FNDC5: variants seen among roughly 807,000 people sequenced by gnomAD.
The protein encoded by FNDC5 is fibronectin type III domain-containing protein 5.
Under a neutral mutation model 24.6 loss-of-function variants are expected in FNDC5, and 10 were observed. That is an observed-to-expected ratio of 0.41 (90% CI 0.25 to 0.69). The LOEUF is 0.69. Ranked by LOEUF, FNDC5 falls within the 30% of genes least tolerant of loss-of-function variation. The probability of loss-of-function intolerance (pLI) is 0.34; values close to 1 mark genes in which losing one functional copy is unlikely to be tolerated. For missense variants in FNDC5, 226 were observed against 282.9 expected, an observed-to-expected ratio of 0.80 and a Z score of 1.44; for synonymous variants, 90 against 110.7, an observed-to-expected ratio of 0.81 and a Z score of 1.18.
Position 32,868,079 on chromosome 1 carries a change from G to T in FNDC5, c.409+111C>A. The T allele has an allele frequency of 2.3e-6, 3 of 1,311,018 alleles. No homozygotes were observed. Among genetic ancestry groups the T allele is most frequent in the Non-Finnish European group, 2.1e-6 (2 of 933,674 alleles). 81.2% of individuals were successfully genotyped at this position (1,311,018 alleles called of 1,614,324 possible). On this transcript the variant is annotated intron_variant, in intron 3 of 5. Transcript: ENST00000373471. This position sits in a 1 kb window ranked among gnomAD's most constrained non-coding sequence, Gnocchi z 4.8. ...CCCTCTCTCAGGTACTGCTTTACTT[G>T]CCAGCAGGGGATAAGGGGGAGGAGA...
chr1:32,868,120 G>GC lies in FNDC5; in HGVS notation c.409+69dup. ...GGGGAGGAGACAGAGCTTTCCTCAA[G>GC]CCACCCACTGGTCTGGTCCTGACCA... On this transcript the variant is annotated intron_variant, in intron 3 of 5. Coordinates refer to ENST00000373471, the MANE Select transcript of FNDC5 (RefSeq NM_153756.3). This position sits in a 1 kb window ranked among gnomAD's most constrained non-coding sequence, Gnocchi z 4.8. The GC allele has an allele frequency of 6.4e-7, 1 of 1,554,108 alleles. No homozygotes were observed. The highest frequency in any genetic ancestry group is 8.8e-7 in the Non-Finnish European group (1 of 1,138,468).
upstream of FNDC5, among the ~76,000 whole-genome samples, chr1:32,871,130 G>GC (rs1641178615): frequency 6.6e-6 from 1 of 151,318 alleles, no homozygotes; most frequent in Admixed American, 6.6e-5. Flanking sequence ...GGTTCTCCGC[G>GC]CCCCCGCCGC....
In FNDC5 at chr1:32,864,765, T is replaced by G; in HGVS notation, c.532A>C (p.Ile178Leu). 6.2e-7 allele frequency: 1 copy of G among 1,614,194 alleles called. No individual in the cohort carries two copies. Among genetic ancestry groups the G allele is most frequent in the Non-Finnish European group, 8.5e-7 (1 of 1,180,030 alleles). The change falls in exon 5 of 6, where the codon ATC (isoleucine) becomes CTC (leucine). Residue 178 changes from isoleucine (I) to leucine (L), a missense_variant. Physicochemically the swap from Ile to Leu is conservative, Grantham distance 5 (BLOSUM62 2). Transcript: ENST00000373471. ...TTATTGGGTTCATTGTCCTTGATGA[T>G]GTCATACTGGCGGCAGAAGAGGGCA...
upstream of FNDC5, among the ~76,000 whole-genome samples, chr1:32,871,581 G>A (rs542345956): frequency 6.6e-6 from 1 of 152,342 alleles, no homozygotes; most frequent in South Asian, 2.1e-4. Context: ...GGGCAACCCT[G>A]TAAAGTCATA....
Position 32,868,866 on chromosome 1 carries a change from G to T in FNDC5, c.210+16C>A. The T allele has an allele frequency of 8.1e-7, 1 of 1,236,506 alleles. No homozygotes were observed. Among genetic ancestry groups the T allele is most frequent in the Non-Finnish European group, 1.0e-6 (1 of 988,620 alleles). The allele number at this position is 1,236,506 out of a possible 1,614,324, so 76.6% of individuals were successfully genotyped here. ...TCTTGATGTGTCCTTCCCTCCTAAG[G>T]ACAGTGGAGCATTACCTGCTGGGAG... is the stretch of plus-strand genomic sequence containing the variant. On this transcript the variant is annotated intron_variant, in intron 2 of 5. Coordinates refer to ENST00000373471, the MANE Select transcript of FNDC5 (RefSeq NM_153756.3). This position sits in a 1 kb window ranked among gnomAD's most constrained non-coding sequence, Gnocchi z 4.8.
chr1:32,863,628 C>A lies in FNDC5; in HGVS notation c.*666G>T. The A allele has an allele frequency of 9.3e-7, 1 of 1,078,730 alleles. No homozygotes were observed. Among genetic ancestry groups the A allele is most frequent in the South Asian group, 1.3e-5 (1 of 76,236 alleles). The allele number at this position is 1,078,730 out of a possible 1,614,324, so 66.8% of individuals were successfully genotyped here. On this transcript the variant is annotated 3_prime_UTR_variant, in exon 6 of 6. Transcript: ENST00000373471. The stretch of plus-strand genomic sequence containing the variant: ...AGGACAAGGAGAAGAGAGAACTGTG[C>A]AGCTAGCTGTGCCTCCTCCCCACTG...
Position 32,868,920 on chromosome 1 carries a change from C to T in FNDC5, c.172G>A (p.Glu58Lys). Residue 58 changes from glutamate (E) to lysine (K), a missense_variant, in exon 2 of 6, where the codon GAG (glutamate) becomes AAG (lysine). Glu to Lys is a moderately conservative substitution (Grantham distance 56, BLOSUM62 1). Coordinates refer to ENST00000373471, the MANE Select transcript of FNDC5 (RefSeq NM_153756.3). The surrounding 1 kb of genome is among the most constrained non-coding windows in gnomAD (Gnocchi z 4.8). ...GCAAATCCGATGACAACCTCATCCT[C>T]CAGAACATCCCAGCTCACCACTGCA... 1.6e-6 allele frequency: 2 copies of T among 1,238,768 alleles called. No individual in the cohort carries two copies. The highest frequency in any genetic ancestry group is 2.0e-6 in the Non-Finnish European group (2 of 991,474). 76.7% of individuals were successfully genotyped at this position (1,238,768 alleles called of 1,614,324 possible).
At chr1:32,866,629 C>G (rs534692008) in intron 4 of FNDC5, among the ~76,000 whole-genome samples, 3 of 152,246 alleles carry the variant, frequency 2.0e-5, no homozygotes, top group Admixed American at 6.5e-5. Context: ...CAGTTATTCC[C>G]TCTCCTCTGC....
In FNDC5 at chr1:32,868,373, T is replaced by A; in HGVS notation, c.226A>T (p.Met76Leu). The A allele has an allele frequency of 6.2e-7, 1 of 1,613,960 alleles. No homozygotes were observed. Among genetic ancestry groups the A allele is most frequent in the Non-Finnish European group, 8.5e-7 (1 of 1,179,868 alleles). ...TTCACCTCCTGGATGAAGCGCAGCA[T>A]CCGCACATCCTTCTTCTGCAGACAA... The change falls in exon 3 of 6, where the codon ATG (methionine) becomes TTG (leucine). Residue 76 changes from methionine to leucine, a missense_variant. Coordinates refer to ENST00000373471, the MANE Select transcript of FNDC5 (RefSeq NM_153756.3). The surrounding 1 kb of genome is among the most constrained non-coding windows in gnomAD (Gnocchi z 4.8).
At chr1:32,869,439 C>T (rs142773183) in intron 1 of FNDC5, among the ~76,000 whole-genome samples, 1,577 of 152,326 alleles carry the variant, frequency 0.01, 9 homozygotes, top group Middle Eastern at 0.034. Flanking sequence ...TGACCTTGCG[C>T]GAAGGAGAAA....
At position 32,867,733 on chromosome 1, in the gene FNDC5, G is replaced by A. The variant is rs369352278; in HGVS notation, c.499+20C>T. The A allele has an allele frequency of 1.2e-6, 2 of 1,610,822 alleles. No homozygotes were observed. The highest frequency in any genetic ancestry group is 2.7e-5 in the African/African-American group (2 of 74,792). Reference sequence around the variant, plus strand: ...TCCCAGAATCTGAGGGAAGAAGAAGGTCTCGGAGGCCAGACTCACCTGCCC... The same window carrying A: ...TCCCAGAATCTGAGGGAAGAAGAAGATCTCGGAGGCCAGACTCACCTGCCC... On this transcript the variant is annotated intron_variant, in intron 4 of 5. Coordinates refer to ENST00000373471, the MANE Select transcript of FNDC5 (RefSeq NM_153756.3).
In FNDC5 at chr1:32,869,003, G is replaced by A; in HGVS notation, c.95-6C>T. ...CACTGGGGCTGAGGGACTGTCTGGG[G>A]GACGGGGAGGCACCTAAGCCTGAGC... On this transcript the variant is annotated splice_polypyrimidine_tract_variant and splice_region_variant and intron_variant, in intron 1 of 5. Transcript: ENST00000373471. The A allele has an allele frequency of 8.1e-7, 1 of 1,230,484 alleles. No homozygotes were observed. The highest frequency in any genetic ancestry group is 1.0e-6 in the Non-Finnish European group (1 of 985,910). The allele number at this position is 1,230,484 out of a possible 1,614,324, so 76.2% of individuals were successfully genotyped here.
upstream of FNDC5, among the ~76,000 whole-genome samples, chr1:32,872,089 T>C (rs1026700573): frequency 1.3e-5 from 2 of 152,170 alleles, no homozygotes; most frequent in Non-Finnish European, 2.9e-5. Context: ...GTCTTCAGGG[T>C]CTTCCTCTCC....
chr1:32,866,169 G>A (rs984804309), intron 4 of FNDC5, among the ~76,000 whole-genome samples: 1 of 151,954 alleles, frequency 6.6e-6, no homozygotes, highest in East Asian at 1.9e-4. Flanking sequence ...GGGTTAATTC[G>A]CTATGTTTAT....
At position 32,868,165 on chromosome 1, in the gene FNDC5, C is replaced by A; in HGVS notation, c.409+25G>T. 6.2e-7 allele frequency: 1 copy of A among 1,611,966 alleles called. No individual in the cohort carries two copies. Among genetic ancestry groups the A allele is most frequent in the Non-Finnish European group, 8.5e-7 (1 of 1,178,884 alleles). ...TGACCACCCCTCACCCCACCCCATTCCTCTTAACAGTGACCCGGGCCTGCC... is the reference window on the plus strand; with the variant it reads ...TGACCACCCCTCACCCCACCCCATTACTCTTAACAGTGACCCGGGCCTGCC... On this transcript the variant is annotated intron_variant, in intron 3 of 5. Coordinates refer to ENST00000373471, the MANE Select transcript of FNDC5 (RefSeq NM_153756.3). The surrounding 1 kb of genome is among the most constrained non-coding windows in gnomAD (Gnocchi z 4.8).
chr1:32,864,016 T>C lies in FNDC5; in HGVS notation c.*278A>G. ...TGGCCAAGACTGGGTCCTGGGCCCA[T>C]GGCCCCTGGCACCCAGTCTACCCCC... On this transcript the variant is annotated 3_prime_UTR_variant, in exon 6 of 6. Transcript: ENST00000373471. The C allele has an allele frequency of 7.3e-7, 1 of 1,371,812 alleles. No individual in the cohort carries two copies. Among genetic ancestry groups the C allele is most frequent in the Admixed American group, 3.0e-5 (1 of 33,260 alleles). 85.0% of individuals were successfully genotyped at this position (1,371,812 alleles called of 1,614,324 possible).
At chr1:32,869,211 G>A (rs978073170) in intron 1 of FNDC5, among the ~76,000 whole-genome samples, 5 of 152,380 alleles carry the variant, frequency 3.3e-5, no homozygotes, top group African/African-American at 7.2e-5. Flanking sequence ...TGACTGGGAC[G>A]GAAGCCCCTG....
upstream of FNDC5, chr1:32,872,370 C>G (rs549065114): frequency 2.0e-5 from 3 of 152,504 alleles, no homozygotes; most frequent in Admixed American, 2.0e-4. Context: ...ACTGCCCAGC[C>G]CTATCATTTC....
At chr1:32,864,393 C>A in intron 5 of FNDC5, 94 bp from the exon 6 acceptor site, 1 of 1,572,538 alleles carries the variant, frequency 6.4e-7, no homozygotes, top group East Asian at 2.3e-5. Flanking sequence ...AGACACCCCA[C>A]TCCTATTGTC....
Sources: gnomAD v4.1 joint callset for allele counts (sites outside exome capture counted in the v4.1 genomes callset) on GRCh38, gnomAD v4.1.1 for gene constraint, Gnocchi (gnomAD v3.1) non-coding constraint, MANE v1.5 for transcripts, NCBI Gene and HGNC (gene_info 2026-07-23, HGNC 2026-07-21) for gene names.